Variants in PPP1R9A observed in about 807,000 individuals in gnomAD.
The protein encoded by PPP1R9A is protein phosphatase 1 regulatory subunit 9A, also known as neurabin-1.
In PPP1R9A, 59 loss-of-function variants were observed where a neutral mutation model predicts 141.9. That is an observed-to-expected ratio of 0.42 (90% confidence interval 0.34 to 0.52). The LOEUF is 0.52. PPP1R9A is among the 20% of genes least tolerant of loss of function. The pLI is 0.10. For missense variants in PPP1R9A, 1,444 were observed against 1,611.9 expected, an observed-to-expected ratio of 0.90 and a Z score of 1.78; for synonymous variants, 500 against 569.7, an observed-to-expected ratio of 0.88 and a Z score of 1.74.
At chr7:95,284,826 A>G (rs1418366966) in intron 17 of PPP1R9A, among the ~76,000 whole-genome samples, 2 of 152,232 alleles carry the variant, frequency 1.3e-5, no homozygotes, top group Non-Finnish European at 2.9e-5. Context: ...CATGATGGTT[A>G]TTTCCAGCAT....
chr7:95,269,168 C>T (rs1478848057), intron 13 of PPP1R9A, 39 bp from the exon 14 acceptor site: 2 of 1,475,560 alleles, frequency 1.4e-6, no homozygotes, highest in African/African-American at 2.8e-5. Context: ...AACTGATACT[C>T]AGTGGCATAA....
Position 95,021,286 on chromosome 7 carries a change from C to T in PPP1R9A, c.1396-89973C>T, listed in dbSNP as rs548869993. Among the ~76,000 whole-genome samples, 5 of 148,486 alleles carry T rather than the reference C, an allele frequency of 3.4e-5. No individual in the cohort carries two copies. In the East Asian group the frequency reaches 9.7e-4, roughly 29 times the overall value. On this transcript the variant is annotated intron_variant, in intron 2 of 19. Coordinates refer to ENST00000433360, the MANE Select transcript of PPP1R9A (RefSeq NM_001166160.2). ...TAAATGTCTTCTTTTGAAAAGTGTT[C>T]ATATTCTTTGCTCACTTTTTGATGG...
In PPP1R9A at chr7:95,063,052, G is replaced by A. The variant is rs114097453; in HGVS notation, c.1396-48207G>A. Among the ~76,000 whole-genome samples the A allele has an allele frequency of 3.8e-3, 578 of 152,310 alleles. 5 individuals carry two copies. The highest frequency in any genetic ancestry group is 0.013 in the African/African-American group (561 of 41,564). ...TGAAAAAGAGGAAAAGCATGTATCT[G>A]AGCCATGTAAACTTTTATGCAGACC... On this transcript the variant is annotated intron_variant, in intron 2 of 19. Transcript: ENST00000433360.
intron 2 of PPP1R9A, among the ~76,000 whole-genome samples, chr7:94,924,782 G>A (rs1481002115): frequency 6.6e-6 from 1 of 151,944 alleles, no homozygotes; most frequent in East Asian, 1.9e-4. Flanking sequence ...TACCCACCTC[G>A]GCCTCCCAAA....
At chr7:95,162,466 G>A (rs574820337) in intron 5 of PPP1R9A, among the ~76,000 whole-genome samples, 23 of 152,208 alleles carry the variant, frequency 1.5e-4, no homozygotes, top group African/African-American at 5.3e-4. Context: ...TGCACTTAGG[G>A]TGCATTTTTT....
At chr7:94,941,094 A>C (rs903366584) in intron 2 of PPP1R9A, among the ~76,000 whole-genome samples, 4 of 151,612 alleles carry the variant, frequency 2.6e-5, no homozygotes, top group Non-Finnish European at 4.4e-5. Flanking sequence ...AAAGACTAAT[A>C]TTTTTTAAAA....
chr7:95,009,873 T>C (rs1008131090), intron 2 of PPP1R9A, among the ~76,000 whole-genome samples: 6 of 152,112 alleles, frequency 3.9e-5, no homozygotes, highest in Non-Finnish European at 5.9e-5. Flanking sequence ...CCTTGCCACA[T>C]AGGGAAAATA....
chr7:95,241,172 G>A (rs974963855), intron 8 of PPP1R9A, among the ~76,000 whole-genome samples: 8 of 152,226 alleles, frequency 5.3e-5, no homozygotes, highest in Middle Eastern at 6.8e-3. Context: ...TGCTAGCAAG[G>A]CACTTACTGA....
At chr7:95,133,056 G>A (rs1377345145) in intron 4 of PPP1R9A, among the ~76,000 whole-genome samples, 1 of 152,186 alleles carries the variant, frequency 6.6e-6, no homozygotes, top group African/African-American at 2.4e-5. Flanking sequence ...GAGTAGGGCA[G>A]AGAAGAATTA....
intron 2 of PPP1R9A, among the ~76,000 whole-genome samples, chr7:95,001,316 A>G (rs854730): frequency 0.37 from 55,589 of 152,102 alleles, 11,350 homozygotes; most frequent in Middle Eastern, 0.5. Flanking sequence ...AACAATAGCA[A>G]AAAACGCTTT....
chr7:95,067,090 TTA>T (rs1813050246), intron 2 of PPP1R9A, among the ~76,000 whole-genome samples: 1 of 152,192 alleles, frequency 6.6e-6, no homozygotes. Context: ...TATACCAAAA[TTA>T]TCAATCATAT....
intron 16 of PPP1R9A, among the ~76,000 whole-genome samples, chr7:95,281,026 G>A (rs1563555089): frequency 1.3e-5 from 2 of 152,152 alleles, no homozygotes; most frequent in East Asian, 1.9e-4. Context: ...ATTTTAGAAA[G>A]CATGTCTGCT....
chr7:95,134,206 A>G (rs1261132468), intron 4 of PPP1R9A, among the ~76,000 whole-genome samples: 1 of 152,098 alleles, frequency 6.6e-6, no homozygotes, highest in Non-Finnish European at 1.5e-5. Flanking sequence ...TTCTCAGCAA[A>G]CTAATACAGG....
Position 94,968,624 on chromosome 7 carries a change from C to T in PPP1R9A, c.1395+57116C>T, listed in dbSNP as rs139909542. Among the ~76,000 whole-genome samples, 246 of 152,176 alleles carry T rather than the reference C, an allele frequency of 1.6e-3. 1 individual carries two copies. Among genetic ancestry groups the T allele is most frequent in the African/African-American group, 5.5e-3 (227 of 41,500 alleles). ...GATCGGTCTCCTGAATACAGCACAC[C>T]GATGAGTCTTGACTCCATCCAATTT... is the stretch of plus-strand genomic sequence containing the variant. On this transcript the variant is annotated intron_variant, in intron 2 of 19. Transcript: ENST00000433360.
chr7:95,024,501 G>A (rs1435566628), intron 2 of PPP1R9A, among the ~76,000 whole-genome samples: 1 of 152,120 alleles, frequency 6.6e-6, no homozygotes, highest in African/African-American at 2.4e-5. Flanking sequence ...AGGTCTTCTT[G>A]TTGCGTTGAT....
intron 6 of PPP1R9A, among the ~76,000 whole-genome samples, chr7:95,199,587 G>A (rs1041616188): frequency 6.6e-6 from 1 of 152,264 alleles, no homozygotes; most frequent in South Asian, 2.1e-4. Flanking sequence ...CAGAAAATTA[G>A]AGGTGGTATA....
chr7:94,948,338 A>G (rs944749570), intron 2 of PPP1R9A, among the ~76,000 whole-genome samples: 1 of 152,080 alleles, frequency 6.6e-6, no homozygotes, highest in Non-Finnish European at 1.5e-5. Context: ...TTTATTTACC[A>G]TAATGGGGTG....
At chr7:95,230,961 T>A (rs1312515817) in intron 8 of PPP1R9A, among the ~76,000 whole-genome samples, 1 of 152,122 alleles carries the variant, frequency 6.6e-6, no homozygotes, top group Non-Finnish European at 1.5e-5. Context: ...AGATACAGAA[T>A]GGCAGAATGG....
chr7:95,068,473 G>GAAAAAAAAAAAAAAAAAAAA (rs36043693), intron 2 of PPP1R9A, among the ~76,000 whole-genome samples: 8 of 94,148 alleles, frequency 8.5e-5, no homozygotes, highest in Admixed American at 1.5e-4. Context: ...CTTGTCTCAA[G>GAAAAAAAAAAAAAAAAAAAA]AAAAAAAAAA....
Sources: allele counts gnomAD v4.1 joint callset (sites outside exome capture counted in the v4.1 genomes callset), GRCh38; gene constraint gnomAD v4.1.1; transcripts MANE v1.5; gene names NCBI Gene and HGNC (gene_info 2026-07-23, HGNC 2026-07-21).